Variants in RIMS1 observed in about 807,000 individuals in gnomAD.
RIMS1 encodes the protein regulating synaptic membrane exocytosis protein 1.
In RIMS1, 83 loss-of-function variants were observed where a neutral mutation model predicts 214.1. The ratio of observed to expected loss-of-function variants is 0.39; its 90% CI spans 0.32 to 0.47. RIMS1 has a LOEUF of 0.47. Among genes scored for constraint, RIMS1 ranks in the 20% least tolerant of loss-of-function variants. RIMS1 has a pLI of 0.99. For missense variants in RIMS1, 2,050 were observed against 2,161.8 expected, an observed-to-expected ratio of 0.95 and a Z score of 1.03; for synonymous variants, 793 against 786.8, an observed-to-expected ratio of 1.01 and a Z score of -0.13.
chr6:72,235,721 G>A lies in RIMS1; in HGVS notation c.1850G>A (p.Gly617Asp). Reference sequence around the variant, plus strand: ...CCCAAAGACTCAGGTGCATTGCTGGGTCTGAAAGTAAGTATGCTGGTTTAA... The same window carrying A: ...CCCAAAGACTCAGGTGCATTGCTGGATCTGAAAGTAAGTATGCTGGTTTAA... The part of the protein sequence containing the change: ...TMPKDSGALL[G>D]LKVVGGKMTD... The change falls in exon 8 of 34, where the codon GGT (glycine) becomes GAT (aspartate). Residue 617 changes from glycine (G) to aspartate (D), a missense_variant. Physicochemically the swap from Gly to Asp is moderately conservative, Grantham distance 94. Around this residue, in one of 6 missense-constraint regions of RIMS1, gnomAD observed 111 missense variants for 166.2 expected, o/e 0.67. Transcript: ENST00000521978. The A allele has an allele frequency of 6.3e-7, 1 of 1,592,938 alleles. No homozygotes were observed.
At chr6:72,105,318 A>T (rs985903999) in intron 4 of RIMS1, among the ~76,000 whole-genome samples, 7 of 152,046 alleles carry the variant, frequency 4.6e-5, no homozygotes, top group South Asian at 2.1e-4. Flanking sequence ...TTTATTTCAA[A>T]ATTACTATCT....
chr6:71,917,830 G>A (rs1190366455), intron 1 of RIMS1, among the ~76,000 whole-genome samples: 1 of 152,114 alleles, frequency 6.6e-6, no homozygotes, highest in East Asian at 1.9e-4. Flanking sequence ...AAAGTGAAGC[G>A]AAAAGATTTT....
chr6:72,363,734 G>C (rs1321591421), intron 29 of RIMS1, among the ~76,000 whole-genome samples: 1 of 152,116 alleles, frequency 6.6e-6, no homozygotes, highest in Non-Finnish European at 1.5e-5. Flanking sequence ...TTAACCAGGG[G>C]TTTGCATTTT....
chr6:72,123,810 T>C (rs1223740539), intron 4 of RIMS1, among the ~76,000 whole-genome samples: 1 of 151,844 alleles, frequency 6.6e-6, no homozygotes, highest in African/African-American at 2.4e-5. Flanking sequence ...CTTTTTTTTG[T>C]TTTCCATTTG....
chr6:72,014,448 T>C (rs1173666380), intron 2 of RIMS1, among the ~76,000 whole-genome samples: 1 of 152,016 alleles, frequency 6.6e-6, no homozygotes, highest in African/African-American at 2.4e-5. Context: ...TATTTCATTC[T>C]TTTTTATTGC....
At chr6:72,388,280 C>T (rs1171826219) in intron 29 of RIMS1, among the ~76,000 whole-genome samples, 1 of 152,098 alleles carries the variant, frequency 6.6e-6, no homozygotes, top group Non-Finnish European at 1.5e-5. Flanking sequence ...TCAGAAGAGA[C>T]AAACAGAAGT....
chr6:72,014,603 T>G (rs1812076116), intron 2 of RIMS1, among the ~76,000 whole-genome samples: 4 of 152,234 alleles, frequency 2.6e-5, no homozygotes, highest in Admixed American at 2.0e-4. Flanking sequence ...GGCATTTGTT[T>G]TCAATTTTTT....
chr6:72,199,241 AT>A (rs955038423), intron 6 of RIMS1, among the ~76,000 whole-genome samples: 9 of 152,112 alleles, frequency 5.9e-5, no homozygotes, highest in Admixed American at 6.5e-5. Context: ...TTGATAAAAA[AT>A]AAACTTAAAA....
intron 1 of RIMS1, among the ~76,000 whole-genome samples, chr6:71,908,604 A>G (rs977122859): frequency 6.6e-6 from 1 of 152,204 alleles, no homozygotes; most frequent in Non-Finnish European, 1.5e-5. Flanking sequence ...ATAGGCTCTG[A>G]GGTGTTACAG....
chr6:71,916,520 T>C (rs1161845606), intron 1 of RIMS1, among the ~76,000 whole-genome samples: 1 of 152,176 alleles, frequency 6.6e-6, no homozygotes, highest in African/African-American at 2.4e-5. Flanking sequence ...GGTATTTGTA[T>C]TCTAAGAATT....
At chr6:71,941,038 T>A (rs10805950) in intron 1 of RIMS1, among the ~76,000 whole-genome samples, 1,972 of 152,290 alleles carry the variant, frequency 0.013, 17 homozygotes, top group Non-Finnish European at 0.018. Context: ...AGGAGAACCT[T>A]AAGGCTGGCT....
chr6:72,167,324 T>C (rs1200384926), intron 4 of RIMS1, among the ~76,000 whole-genome samples: 1 of 152,008 alleles, frequency 6.6e-6, no homozygotes, highest in African/African-American at 2.4e-5. Flanking sequence ...AGTTTGGTAG[T>C]TTTTTTCTTA....
intron 4 of RIMS1, among the ~76,000 whole-genome samples, chr6:72,153,570 A>G (rs2044027614): frequency 2.0e-5 from 3 of 152,180 alleles, no homozygotes; most frequent in African/African-American, 7.2e-5. Context: ...GATTTTTTAC[A>G]ATAAATTATG....
At position 72,114,993 on chromosome 6, in the gene RIMS1, C is replaced by A. The variant is rs9446572; in HGVS notation, c.471+15007C>A. Among the ~76,000 whole-genome samples, 1,248 of 151,966 alleles carry A rather than the reference C, an allele frequency of 8.2e-3. 17 individuals are homozygous for A. The highest frequency in any genetic ancestry group is 0.029 in the African/African-American group (1,206 of 41,494). On this transcript the variant is annotated intron_variant, in intron 4 of 33. Coordinates refer to ENST00000521978, the MANE Select transcript of RIMS1 (RefSeq NM_014989.7). ...ACCAGCTTTTTTGTTTATCCATGTC[C>A]AAATATAAATTACCTACTGAACGCT...
chr6:72,379,435 T>C (rs1442394686), intron 29 of RIMS1, among the ~76,000 whole-genome samples: 1 of 152,188 alleles, frequency 6.6e-6, no homozygotes, highest in Non-Finnish European at 1.5e-5. Flanking sequence ...GTAAAACAAA[T>C]GGTGAGAATG....
chr6:71,890,570 TAAAA>T (rs3076604), intron 1 of RIMS1, among the ~76,000 whole-genome samples: 13 of 81,508 alleles, frequency 1.6e-4, no homozygotes, highest in Admixed American at 5.8e-4. Flanking sequence ...CTCCTTTTTG[TAAAA>T]AAAAAAAAAA....
intron 6 of RIMS1, among the ~76,000 whole-genome samples, chr6:72,188,339 A>G (rs1429043922): frequency 6.6e-6 from 1 of 152,214 alleles, no homozygotes; most frequent in Non-Finnish European, 1.5e-5. Context: ...TAAGGTAATA[A>G]TTATGCCGAA....
At chr6:72,376,554 T>C (rs2154409860) in intron 29 of RIMS1, among the ~76,000 whole-genome samples, 1 of 152,242 alleles carries the variant, frequency 6.6e-6, no homozygotes, top group South Asian at 2.1e-4. Flanking sequence ...AAGACCAGCC[T>C]GGGCAACATG....
intron 3 of RIMS1, among the ~76,000 whole-genome samples, chr6:72,097,489 T>C (rs1424306364): frequency 6.6e-6 from 1 of 152,226 alleles, no homozygotes; most frequent in Admixed American, 6.5e-5. Flanking sequence ...TCTTGAAAGT[T>C]ATGACCAATT....
Sources: gnomAD v4.1 joint callset for allele counts (sites outside exome capture counted in the v4.1 genomes callset) on GRCh38, gnomAD v4.1.1 for gene constraint, gnomAD v4.1.1 regional missense constraint, MANE v1.5 for transcripts, NCBI Gene and HGNC (gene_info 2026-07-23, HGNC 2026-07-21) for gene names.